The following ZNRF1 variants were observed in gnomAD, a reference collection of about 807,000 sequenced individuals.
ZNRF1 encodes zinc and ring finger 1.
Under a neutral mutation model 18.4 loss-of-function variants are expected in ZNRF1, and 3 were observed. That is an observed-to-expected ratio of 0.16 (90% CI 0.07 to 0.42). ZNRF1 has a LOEUF of 0.42. ZNRF1 is among the 10% of genes least tolerant of loss of function. The pLI is 0.99. For missense variants in ZNRF1, 310 were observed against 329.8 expected (o/e 0.94, Z 0.47); for synonymous variants, 157 against 144.2 (o/e 1.09, Z -0.64).
rs1210327359 is a variant in ZNRF1 at position 74,999,559 on chromosome 16, G to A, written c.-113G>A. 1.1e-5 allele frequency: 8 copies of A among 748,604 alleles called. No homozygotes were observed. Among genetic ancestry groups the A allele is most frequent in the Non-Finnish European group, 1.5e-5 (8 of 540,210 alleles). The allele number at this position is 748,604 out of a possible 1,614,324, so 46.4% of individuals were successfully genotyped here. ...GCTTTTTTTCCTTTTCTCCCTCCGG[G>A]TCTCCTTTTTGACTCCCTCCCCCTT... On this transcript the variant is annotated 5_prime_UTR_variant, in exon 1 of 5. Transcript: ENST00000335325.
intron 1 of ZNRF1, among the ~76,000 whole-genome samples, chr16:75,057,800 C>A (rs2035686737): frequency 6.6e-6 from 1 of 152,108 alleles, no homozygotes; most frequent in African/African-American, 2.4e-5. Context: ...ACTACCACAC[C>A]CAGCTAATTA....
At chr16:75,062,550 T>C (rs1344485744) in intron 1 of ZNRF1, among the ~76,000 whole-genome samples, 1 of 152,228 alleles carries the variant, frequency 6.6e-6, no homozygotes, top group Non-Finnish European at 1.5e-5. Flanking sequence ...TTGTCATCTA[T>C]GTGTGTAGCA....
intron 1 of ZNRF1, among the ~76,000 whole-genome samples, chr16:75,017,938 G>A (rs1028643134): frequency 4.6e-5 from 7 of 152,208 alleles, no homozygotes; most frequent in Admixed American, 1.3e-4. Context: ...GCACCAGACT[G>A]TCTTTGGTGT....
At chr16:75,107,587 C>A in intron 4 of ZNRF1, 146 bp from the exon 5 acceptor site, 1 of 398,500 alleles carries the variant, frequency 2.5e-6, no homozygotes, top group Non-Finnish European at 5.1e-6. Flanking sequence ...AGGCACATGG[C>A]TGCAAATTCC....
chr16:75,089,248 A>G (rs2145417988), intron 1 of ZNRF1, among the ~76,000 whole-genome samples: 1 of 152,156 alleles, frequency 6.6e-6, no homozygotes, highest in African/African-American at 2.4e-5. Context: ...GATTAGAGGC[A>G]TGCACCACCA....
chr16:75,002,451 G>A (rs1355908413), intron 1 of ZNRF1: 10 of 152,224 alleles, frequency 6.6e-5, no homozygotes, highest in Admixed American at 6.5e-4. Flanking sequence ...TAGATGCCTG[G>A]AAGTTGATAT....
intron 1 of ZNRF1, among the ~76,000 whole-genome samples, chr16:75,030,089 A>G (rs553518547): frequency 9.1e-4 from 136 of 150,132 alleles, no homozygotes; most frequent in Middle Eastern, 3.5e-3. Context: ...AAAACCTGTT[A>G]TTGAAATAAT....
intron 1 of ZNRF1, among the ~76,000 whole-genome samples, chr16:75,085,191 A>T (rs1018229650): frequency 6.6e-6 from 1 of 152,170 alleles, no homozygotes; most frequent in Non-Finnish European, 1.5e-5. Flanking sequence ...CTTCTCAGTG[A>T]ATCTCTGCCC....
At chr16:75,044,284 G>T (rs142902939) in intron 1 of ZNRF1, among the ~76,000 whole-genome samples, 469 of 152,154 alleles carry the variant, frequency 3.1e-3, no homozygotes, top group Middle Eastern at 0.021. Context: ...GGCTAGAATT[G>T]CACAGCTTAC....
At chr16:75,075,207 G>A (rs576696717) in intron 1 of ZNRF1, among the ~76,000 whole-genome samples, 76 of 152,324 alleles carry the variant, frequency 5.0e-4, no homozygotes, top group African/African-American at 1.8e-3. Flanking sequence ...TAGCATAGGG[G>A]GAAAGGGCTG....
chr16:75,102,742 C>T (rs1334261145), intron 2 of ZNRF1, among the ~76,000 whole-genome samples: 2 of 152,220 alleles, frequency 1.3e-5, no homozygotes, highest in East Asian at 3.8e-4. Context: ...TCAGCAGCCT[C>T]CTGGAGGTCT....
chr16:75,036,527 A>C (rs2035377566), intron 1 of ZNRF1, among the ~76,000 whole-genome samples: 1 of 150,090 alleles, frequency 6.7e-6, no homozygotes, highest in Non-Finnish European at 1.5e-5. Context: ...TAAATTAATT[A>C]TCTTGCTTAT....
Position 75,069,111 on chromosome 16 carries a change from G to C in ZNRF1, c.425-24461G>C, listed in dbSNP as rs574521097. On this transcript the variant is annotated intron_variant, in intron 1 of 4. Coordinates refer to ENST00000335325, the MANE Select transcript of ZNRF1 (RefSeq NM_032268.5). ...GCGTTAATTGGCTCATCGTTTTAAA[G>C]ATCTGAGTTGTTCAACCAAAGTTAG... 2.7e-4 allele frequency among the ~76,000 whole-genome samples: 41 copies of C among 152,054 alleles called. 2 individuals are homozygous for C. In the South Asian group the frequency reaches 8.3e-3, roughly 31 times the overall value.
intron 1 of ZNRF1, among the ~76,000 whole-genome samples, chr16:75,013,122 A>C (rs1430688314): frequency 6.6e-6 from 1 of 152,240 alleles, no homozygotes; most frequent in African/African-American, 2.4e-5. Flanking sequence ...AGAAAGGACC[A>C]ATTTTTCTTA....
intron 1 of ZNRF1, among the ~76,000 whole-genome samples, chr16:75,052,621 C>G (rs900679971): frequency 6.6e-6 from 1 of 152,130 alleles, no homozygotes; most frequent in African/African-American, 2.4e-5. Flanking sequence ...GACCTCAGGG[C>G]TATGACTGCC....
rs139948440 is a variant in ZNRF1 at position 75,089,358 on chromosome 16, C to A, written c.425-4214C>A. 9.3e-3 allele frequency among the ~76,000 whole-genome samples: 1,424 copies of A among 152,306 alleles called. 75 individuals carry two copies. Among genetic ancestry groups the A allele is most frequent in the Admixed American group, 0.078 (1,192 of 15,296 alleles). On this transcript the variant is annotated intron_variant, in intron 1 of 4. Coordinates refer to ENST00000335325, the MANE Select transcript of ZNRF1 (RefSeq NM_032268.5). The stretch of plus-strand genomic sequence containing the variant: ...TCCTGGGCTAAAGTGATCCTCCCAC[C>A]ATGGCCTCCCACAATGCTGGTATTA...
chr16:75,009,809 T>G (rs1371686126), intron 1 of ZNRF1, among the ~76,000 whole-genome samples: 1 of 146,018 alleles, frequency 6.8e-6, no homozygotes, highest in Non-Finnish European at 1.5e-5. Context: ...TTATTTTCTG[T>G]TTTTTTTTTT....
rs565478692 is a variant in ZNRF1, at chr16:75,045,508, A to G, written c.424+45413A>G. ...TTTTTAACTTAGCAATAAAGATGCTATGACAGTGTCAATCGCTGGCTTTAT... is the reference window on the plus strand; with the variant it reads ...TTTTTAACTTAGCAATAAAGATGCTGTGACAGTGTCAATCGCTGGCTTTAT... On this transcript the variant is annotated intron_variant, in intron 1 of 4. Transcript: ENST00000335325. 5.9e-5 allele frequency among the ~76,000 whole-genome samples: 9 copies of G among 152,242 alleles called. No individual in the cohort carries two copies. The South Asian group carries it at 6.2e-4, about 11-fold the overall frequency.
At chr16:75,023,705 A>C (rs887427086) in intron 1 of ZNRF1, among the ~76,000 whole-genome samples, 2 of 150,798 alleles carry the variant, frequency 1.3e-5, no homozygotes, top group African/African-American at 2.4e-5. Context: ...AACAAAAAAA[A>C]CAAAAAAAAA....
Sources: allele counts gnomAD v4.1 joint callset (sites outside exome capture counted in the v4.1 genomes callset), GRCh38; gene constraint gnomAD v4.1.1; transcripts MANE v1.5; gene names NCBI Gene and HGNC (gene_info 2026-07-23, HGNC 2026-07-21).